HIVEP1: variants seen among roughly 807,000 people sequenced by gnomAD.
HIVEP1 encodes zinc finger protein 40.
In HIVEP1, 36 loss-of-function variants were observed where a neutral mutation model predicts 180.0. The ratio of observed to expected loss-of-function variants is 0.20; its 90% CI spans 0.15 to 0.26. The LOEUF (loss-of-function observed/expected upper bound fraction) is 0.26, where lower values mean the gene tolerates loss of function less well. Ranked by LOEUF, HIVEP1 falls within the 10% of genes least tolerant of loss-of-function variation. The probability of loss-of-function intolerance (pLI) is 1.00; values close to 1 mark genes in which losing one functional copy is unlikely to be tolerated. For synonymous variants in HIVEP1, 1,239 were observed against 1,239.0 expected (o/e 1.00, Z 0.00); for missense variants, 3,143 against 3,268.7 (o/e 0.96, Z 0.94).
chr6:12,017,285 G>A (rs1026991561), intron 2 of HIVEP1, among the ~76,000 whole-genome samples: 2 of 152,120 alleles, frequency 1.3e-5, no homozygotes, highest in African/African-American at 4.8e-5. Context: ...ACAGGCCCTC[G>A]CCGTGAGTGT....
chr6:12,083,944 G>T (rs919291886), intron 2 of HIVEP1, among the ~76,000 whole-genome samples: 7 of 152,150 alleles, frequency 4.6e-5, no homozygotes, highest in African/African-American at 1.4e-4. Context: ...TTCTGCCCCT[G>T]TGGCTGGGTT....
chr6:12,124,220 T>G lies in HIVEP1; in HGVS notation c.4425T>G (p.Ala1475=). Reference sequence around the variant, plus strand: ...CTCAGCTCACTAGTACATCTTTAGCTGAGTTTTCTGCAAATACTTTGCACT... The same window carrying G: ...CTCAGCTCACTAGTACATCTTTAGCGGAGTTTTCTGCAAATACTTTGCACT... ...QGPQLTSTSL[A]EFSANTLHSQ... The change falls in exon 4 of 9, where the codon GCT becomes GCG. Residue 1475 remains alanine, a synonymous_variant. Transcript: ENST00000379388. The G allele has an allele frequency of 6.2e-7, 1 of 1,614,204 alleles. No homozygotes were observed. Among genetic ancestry groups the G allele is most frequent in the South Asian group, 1.1e-5 (1 of 91,084 alleles).
intron 2 of HIVEP1, among the ~76,000 whole-genome samples, chr6:12,066,895 C>T (rs1258644569): frequency 1.5e-5 from 2 of 134,100 alleles, no homozygotes; most frequent in African/African-American, 2.8e-5. Flanking sequence ...TATATATATA[C>T]ACACACATAC....
At chr6:12,055,640 T>C (rs1319816234) in intron 2 of HIVEP1, among the ~76,000 whole-genome samples, 2 of 152,230 alleles carry the variant, frequency 1.3e-5, no homozygotes, top group East Asian at 3.8e-4. Context: ...AAGAAATCTT[T>C]AATCCTTTTG....
intron 2 of HIVEP1, among the ~76,000 whole-genome samples, chr6:12,072,995 C>T (rs959976065): frequency 2.0e-5 from 3 of 152,090 alleles, no homozygotes; most frequent in East Asian, 1.9e-4. Context: ...TTGTGATTTG[C>T]GTGCCTAATA....
Position 12,119,975 on chromosome 6 carries a change from A to C in HIVEP1, c.180A>C (p.Lys60Asn). ...RKKIVAENHLKKIPKSPLRNP... is the reference protein window; with the variant it reads ...RKKIVAENHLNKIPKSPLRNP... ...AGATCGTAGCTGAGAATCACCTGAAAAAAATACCAAAATCCCCACTGAGAA... is the reference window on the plus strand; with the variant it reads ...AGATCGTAGCTGAGAATCACCTGAACAAAATACCAAAATCCCCACTGAGAA... The change falls in exon 4 of 9, where the codon AAA becomes AAC. Residue 60 changes from lysine to asparagine, a missense_variant. Physicochemically the swap from Lys to Asn is moderately conservative, Grantham distance 94. Around this residue, in one of 12 missense-constraint regions of HIVEP1, gnomAD observed 114 missense variants for 134.5 expected, o/e 0.85. Coordinates refer to ENST00000379388, the MANE Select transcript of HIVEP1 (RefSeq NM_002114.4). 6.2e-7 allele frequency: 1 copy of C among 1,611,684 alleles called. No homozygotes were observed. The highest frequency in any genetic ancestry group is 8.5e-7 in the Non-Finnish European group (1 of 1,179,450).
intron 7 of HIVEP1, among the ~76,000 whole-genome samples, chr6:12,155,064 A>C (rs1384336266): frequency 6.6e-6 from 1 of 152,076 alleles, no homozygotes; most frequent in African/African-American, 2.4e-5. Context: ...CTTAAACTGA[A>C]AATTTAGATT....
At chr6:12,136,415 G>C (rs534074865) in intron 7 of HIVEP1, among the ~76,000 whole-genome samples, 2 of 152,284 alleles carry the variant, frequency 1.3e-5, no homozygotes, top group South Asian at 4.1e-4. Context: ...GTCCACTGCT[G>C]TCATGAAGCC....
downstream of HIVEP1, among the ~76,000 whole-genome samples, chr6:12,166,578 C>G (rs761681246): frequency 9.9e-5 from 15 of 152,220 alleles, no homozygotes; most frequent in Non-Finnish European, 1.9e-4. Flanking sequence ...AAAATATTAC[C>G]AAAGTCTAAG....
chr6:12,042,149 G>A lies in HIVEP1; in HGVS notation c.40+26481G>A, dbSNP rs549223463. Among the ~76,000 whole-genome samples the A allele has an allele frequency of 4.2e-4, 61 of 145,104 alleles. 2 individuals carry two copies. Among genetic ancestry groups the A allele is most frequent in the African/African-American group, 8.6e-4 (33 of 38,552 alleles). ...CTGCGGACTGCAGTGGCGCAATCTC[G>A]GCTCACTGCAAGCTCCGCTTCCCGG... On this transcript the variant is annotated intron_variant, in intron 2 of 8. Transcript: ENST00000379388.
chr6:12,046,197 G>A (rs1770104205), intron 2 of HIVEP1, among the ~76,000 whole-genome samples: 1 of 152,122 alleles, frequency 6.6e-6, no homozygotes, highest in South Asian at 2.1e-4. Flanking sequence ...ATAATTTTAT[G>A]TGTTTACAAA....
the HIVEP1 span, among the ~76,000 whole-genome samples, chr6:12,196,160 G>A: frequency 1.3e-5 from 2 of 152,228 alleles, no homozygotes; most frequent in African/African-American, 2.4e-5. Context: ...TATGTGACCA[G>A]TGACTTGGAG....
At chr6:12,054,297 C>T (rs186504134) in intron 2 of HIVEP1, among the ~76,000 whole-genome samples, 17 of 152,282 alleles carry the variant, frequency 1.1e-4, no homozygotes, top group African/African-American at 3.9e-4. Context: ...AGAAAACATA[C>T]ACTATATGTT....
chr6:12,105,680 CT>C (rs1355963082), intron 3 of HIVEP1, among the ~76,000 whole-genome samples: 7 of 152,104 alleles, frequency 4.6e-5, no homozygotes, highest in Non-Finnish European at 8.8e-5. Flanking sequence ...TTCTCACTTG[CT>C]TTTTAAAATG....
At chr6:12,042,165 C>T (rs537602402) in intron 2 of HIVEP1, among the ~76,000 whole-genome samples, 9 of 150,128 alleles carry the variant, frequency 6.0e-5, no homozygotes, top group Admixed American at 1.3e-4. Context: ...CTGCAAGCTC[C>T]GCTTCCCGGG....
downstream of HIVEP1, among the ~76,000 whole-genome samples, chr6:12,168,315 T>TATACATATATACATATA (rs1332051841): frequency 3.7e-5 from 5 of 136,762 alleles, no homozygotes; most frequent in African/African-American, 1.1e-4. Flanking sequence ...ACATATATTA[T>TATACATATATACATATA]ATACATATAT....
chr6:12,154,325 G>A (rs138779945), intron 7 of HIVEP1, among the ~76,000 whole-genome samples: 43 of 152,196 alleles, frequency 2.8e-4, no homozygotes, highest in Non-Finnish European at 2.8e-4. Context: ...TTAAAATTAC[G>A]TGCAGCGTGT....
chr6:12,092,242 C>T (rs553151547), intron 3 of HIVEP1, among the ~76,000 whole-genome samples: 1 of 152,090 alleles, frequency 6.6e-6, no homozygotes, highest in Non-Finnish European at 1.5e-5. Context: ...TTTTAAAAAA[C>T]AATTATGTCA....
intron 6 of HIVEP1, among the ~76,000 whole-genome samples, chr6:12,134,093 A>G (rs769552190): frequency 3.3e-5 from 5 of 152,230 alleles, no homozygotes; most frequent in Non-Finnish European, 7.3e-5. Flanking sequence ...CCACAGTAAG[A>G]TATCTAAACC....
Sources: allele counts gnomAD v4.1 joint callset (sites outside exome capture counted in the v4.1 genomes callset), GRCh38; gene constraint gnomAD v4.1.1; regional missense constraint gnomAD v4.1.1; transcripts MANE v1.5; gene names NCBI Gene and HGNC (gene_info 2026-07-23, HGNC 2026-07-21).